Variants in C10orf71 observed in about 807,000 individuals in gnomAD.
C10orf71 encodes cardiac-enriched FHL2-interacting protein.
For missense variants in C10orf71, 1,869 were observed against 1,804.5 expected (o/e 1.04, Z -0.65); for synonymous variants, 758 against 726.3 (o/e 1.04, Z -0.70).
In C10orf71 at chr10:49,325,124, A is replaced by T; in HGVS notation, c.2579A>T (p.Asn860Ile). The T allele has an allele frequency of 4.5e-6, 7 of 1,551,886 alleles. No homozygotes were observed. Among genetic ancestry groups the T allele is most frequent in the Non-Finnish European group, 6.1e-6 (7 of 1,147,044 alleles). Reference sequence around the variant, plus strand: ...CACATGCTGTTTACGATTAAAGACAACACCCTCAGAGCTACCCCCGTAATT... The same window carrying T: ...CACATGCTGTTTACGATTAAAGACATCACCCTCAGAGCTACCCCCGTAATT... ...NRHMLFTIKDNTLRATPVIKP... is the reference protein window; with the variant it reads ...NRHMLFTIKDITLRATPVIKP... The change falls in exon 3 of 3, where the codon AAC becomes ATC. Residue 860 changes from asparagine to isoleucine, a missense_variant. By Grantham distance (149) the Asn-to-Ile change is moderately radical (BLOSUM62 -3). Transcript: ENST00000374144.
At position 49,324,402 on chromosome 10, in the gene C10orf71, G is replaced by C. The variant is rs1448161773; in HGVS notation, c.1857G>C (p.Val619=). 6 of 1,612,830 alleles carry C rather than the reference G, an allele frequency of 3.7e-6. No individual in the cohort carries two copies. The highest frequency in any genetic ancestry group is 4.2e-6 in the Non-Finnish European group (5 of 1,179,390). ...AERSSYENKE[V]EGELEMGPAG... Reference sequence around the variant, plus strand: ...GAAGCAGTTATGAGAACAAGGAGGTGGAAGGAGAGTTGGAGATGGGTCCTG... The same window carrying C: ...GAAGCAGTTATGAGAACAAGGAGGTCGAAGGAGAGTTGGAGATGGGTCCTG... Residue 619 remains valine (V), a synonymous_variant, in exon 3 of 3, where the codon GTG becomes GTC. Transcript: ENST00000374144.
At chr10:49,307,498 G>T (rs1018866105) in intron 1 of C10orf71, among the ~76,000 whole-genome samples, 4 of 152,236 alleles carry the variant, frequency 2.6e-5, no homozygotes, top group Non-Finnish European at 4.4e-5. Context: ...CAGAAACTGC[G>T]CAAAGAGGTG....
In C10orf71 at chr10:49,323,894, T is replaced by A; in HGVS notation, c.1349T>A (p.Ile450Asn). Residue 450 changes from isoleucine to asparagine, a missense_variant, in exon 3 of 3, where the codon ATC becomes AAC. Coordinates refer to ENST00000374144, the MANE Select transcript of C10orf71 (RefSeq NM_001135196.2). ...PFNISKLLTP[I>N]IPSKHALDSA... ...AACATCAGTAAGCTCCTGACCCCCA[T>A]CATACCCAGCAAGCACGCCCTGGAT... 1.2e-6 allele frequency: 2 copies of A among 1,612,472 alleles called. No individual in the cohort carries two copies. Among genetic ancestry groups the A allele is most frequent in the Non-Finnish European group, 1.7e-6 (2 of 1,179,608 alleles).
rs910915074 is a variant in C10orf71 at position 49,324,506 on chromosome 10, C to G, written c.1961C>G (p.Pro654Arg). ...TCCCTGAGGCTTTGCAATAGGGATC[C>G]TGAGCCTGGAGGGGCTACAGAGAAA... ...HLSLRLCNRD[P>R]EPGGATEKMK... The change falls in exon 3 of 3, where the codon CCT (proline) becomes CGT (arginine). Residue 654 changes from proline to arginine, a missense_variant. By Grantham distance (103) the Pro-to-Arg change is moderately radical. Coordinates refer to ENST00000374144, the MANE Select transcript of C10orf71 (RefSeq NM_001135196.2). 1.9e-6 allele frequency: 3 copies of G among 1,611,810 alleles called. No individual in the cohort carries two copies. Among genetic ancestry groups the G allele is most frequent in the Non-Finnish European group, 2.5e-6 (3 of 1,178,860 alleles).
chr10:49,321,018 A>G (rs1450945267), intron 2 of C10orf71, among the ~76,000 whole-genome samples: 1 of 151,840 alleles, frequency 6.6e-6, no homozygotes, highest in East Asian at 1.9e-4. Context: ...ACTATCCATC[A>G]CCTCCAAACA....
intron 2 of C10orf71, among the ~76,000 whole-genome samples, chr10:49,316,956 A>C (rs1374183236): frequency 1.3e-5 from 2 of 152,216 alleles, no homozygotes; most frequent in African/African-American, 2.4e-5. Flanking sequence ...GTGAATACCT[A>C]CTAATACGAG....
chr10:49,325,118 A>G lies in C10orf71; in HGVS notation c.2573A>G (p.Lys858Arg). 2 of 1,552,026 alleles carry G rather than the reference A, an allele frequency of 1.3e-6. No homozygotes were observed. Among genetic ancestry groups the G allele is most frequent in the Non-Finnish European group, 1.7e-6 (2 of 1,147,078 alleles). ...AACAGGCACATGCTGTTTACGATTA[A>G]AGACAACACCCTCAGAGCTACCCCC... The part of the protein sequence containing the change: ...ASNRHMLFTI[K>R]DNTLRATPVI... Residue 858 changes from lysine to arginine, a missense_variant, in exon 3 of 3, where the codon AAA becomes AGA. Physicochemically the swap from Lys to Arg is conservative, Grantham distance 26 (BLOSUM62 2). Transcript: ENST00000374144.
Position 49,323,450 on chromosome 10 carries a change from C to T in C10orf71, c.905C>T (p.Ala302Val). The change falls in exon 3 of 3, where the codon GCT becomes GTT. Residue 302 changes from alanine (A) to valine (V), a missense_variant. Ala to Val is a moderately conservative substitution (Grantham distance 64). Coordinates refer to ENST00000374144, the MANE Select transcript of C10orf71 (RefSeq NM_001135196.2). The part of the protein sequence containing the change: ...DTAGTVPESK[A>V]PKHYGDTTLL... ...GCTGGAACCGTCCCAGAAAGCAAAGCTCCCAAGCACTATGGGGACACGACC... is the reference window on the plus strand; with the variant it reads ...GCTGGAACCGTCCCAGAAAGCAAAGTTCCCAAGCACTATGGGGACACGACC... The T allele has an allele frequency of 6.2e-7, 1 of 1,614,024 alleles. No individual in the cohort carries two copies. Among genetic ancestry groups the T allele is most frequent in the Non-Finnish European group, 8.5e-7 (1 of 1,179,888 alleles).
chr10:49,311,358 A>G (rs922502187), intron 1 of C10orf71, among the ~76,000 whole-genome samples: 4 of 152,210 alleles, frequency 2.6e-5, no homozygotes, highest in African/African-American at 9.6e-5. Context: ...GTTGGACTGC[A>G]TGACCTTCTC....
rs1849130995 is a variant in C10orf71, at chr10:49,323,181, A to G, written c.636A>G (p.Pro212=). 1 of 1,613,886 alleles carries G rather than the reference A, an allele frequency of 6.2e-7. No homozygotes were observed. The highest frequency in any genetic ancestry group is 1.3e-5 in the African/African-American group (1 of 74,916). Residue 212 remains proline, a synonymous_variant, in exon 3 of 3, where the codon CCA becomes CCG. Coordinates refer to ENST00000374144, the MANE Select transcript of C10orf71 (RefSeq NM_001135196.2). ...ACACCCATCAGAACAGCTACCAGCCAGGCAGGAAGCACGGAGAACAGGAGT... is the reference window on the plus strand; with the variant it reads ...ACACCCATCAGAACAGCTACCAGCCGGGCAGGAAGCACGGAGAACAGGAGT... ...VSNTHQNSYQ[P]GRKHGEQESS...
Position 49,323,219 on chromosome 10 carries a change from C to G in C10orf71, c.674C>G (p.Pro225Arg). ...KHGEQESSKN[P>R]EMACHGSSSF... ...GGAGAACAGGAGTCCTCCAAGAATC[C>G]AGAAATGGCCTGTCACGGCTCCAGC... is the stretch of plus-strand genomic sequence containing the variant. Residue 225 changes from proline (P) to arginine (R), a missense_variant, in exon 3 of 3, where the codon CCA becomes CGA. Coordinates refer to ENST00000374144, the MANE Select transcript of C10orf71 (RefSeq NM_001135196.2). 6.2e-7 allele frequency: 1 copy of G among 1,613,946 alleles called. No homozygotes were observed. Among genetic ancestry groups the G allele is most frequent in the Non-Finnish European group, 8.5e-7 (1 of 1,179,874 alleles).
intron 1 of C10orf71, among the ~76,000 whole-genome samples, chr10:49,303,757 G>A (rs116015450): frequency 0.014 from 2,093 of 152,352 alleles, 50 homozygotes; most frequent in African/African-American, 0.048. Flanking sequence ...AACCAGGCTG[G>A]CCACATCTGA....
chr10:49,317,300 C>A (rs192611379), intron 2 of C10orf71, among the ~76,000 whole-genome samples: 1 of 152,212 alleles, frequency 6.6e-6, no homozygotes. Context: ...CTTAGCAGTG[C>A]TGGCCAGGAC....
chr10:49,322,498 C>G lies in C10orf71; in HGVS notation c.-48C>G. 6.5e-7 allele frequency: 1 copy of G among 1,530,208 alleles called. No homozygotes were observed. Among genetic ancestry groups the G allele is most frequent in the Non-Finnish European group, 8.8e-7 (1 of 1,134,872 alleles). The allele number at this position is 1,530,208 out of a possible 1,614,324, so 94.8% of individuals were successfully genotyped here. ...ACACCTAACCTTGACAGAATCATCA[C>G]CAGAGACACCTGCCGGCTGACAAGG... On this transcript the variant is annotated 5_prime_UTR_variant, in exon 3 of 3. Coordinates refer to ENST00000374144, the MANE Select transcript of C10orf71 (RefSeq NM_001135196.2).
rs1403898084 is a variant in C10orf71 at position 49,327,113 on chromosome 10, G to A, written c.*260G>A. On this transcript the variant is annotated 3_prime_UTR_variant, in exon 3 of 3. Coordinates refer to ENST00000374144, the MANE Select transcript of C10orf71 (RefSeq NM_001135196.2). ...CGGTCCCCTCCGTGCCAGTTCCCAGGCGCACTCTACTCCAGCCCTTCTCCC... is the reference window on the plus strand; with the variant it reads ...CGGTCCCCTCCGTGCCAGTTCCCAGACGCACTCTACTCCAGCCCTTCTCCC... 1.6e-6 allele frequency: 2 copies of A among 1,281,154 alleles called. No homozygotes were observed. The highest frequency in any genetic ancestry group is 1.0e-6 in the Non-Finnish European group (1 of 954,400). 79.4% of individuals were successfully genotyped at this position (1,281,154 alleles called of 1,614,324 possible).
intron 1 of C10orf71, among the ~76,000 whole-genome samples, chr10:49,303,083 C>T (rs1848755237): frequency 1.3e-5 from 2 of 152,108 alleles, no homozygotes; most frequent in African/African-American, 4.8e-5. Flanking sequence ...TTTTTTTCTT[C>T]CCACTTAAAC....
rs180892216 is a variant in C10orf71 at position 49,324,550 on chromosome 10, G to C, written c.2005G>C (p.Glu669Gln). Residue 669 changes from glutamate to glutamine, a missense_variant, in exon 3 of 3, where the codon GAG (glutamate) becomes CAG (glutamine). Transcript: ENST00000374144. ...ATEKMKTHQL[E>Q]NGLSRSVSQE... is the part of the protein sequence containing the mutation. ...AGAGAAAATGAAGACCCACCAGCTA[G>C]AGAATGGGCTCTCCAGATCTGTGTC... 3.7e-6 allele frequency: 6 copies of C among 1,613,772 alleles called. No individual in the cohort carries two copies. Among genetic ancestry groups the C allele is most frequent in the East Asian group, 4.5e-5 (2 of 44,886 alleles).
At chr10:49,319,903 TG>T (rs1314679428) in intron 2 of C10orf71, among the ~76,000 whole-genome samples, 1 of 151,946 alleles carries the variant, frequency 6.6e-6, no homozygotes, top group Non-Finnish European at 1.5e-5. Flanking sequence ...AGATAAATAC[TG>T]TATGATTGCA....
upstream of C10orf71, among the ~76,000 whole-genome samples, chr10:49,298,099 T>C (rs547599551): frequency 2.6e-5 from 4 of 152,258 alleles, no homozygotes; most frequent in Non-Finnish European, 5.9e-5. Context: ...GCCCTGGCTG[T>C]CAGCCGGTTC....
Sources: gnomAD v4.1 joint callset for allele counts (sites outside exome capture counted in the v4.1 genomes callset) on GRCh38, gnomAD v4.1.1 for gene constraint, MANE v1.5 for transcripts, NCBI Gene and HGNC (gene_info 2026-07-23, HGNC 2026-07-21) for gene names.